Variants in CDH4 observed in about 807,000 individuals in gnomAD.
CDH4 encodes the protein cadherin-4.
CDH4 carries 33 observed loss-of-function variants against 86.0 expected under a neutral mutation model. The ratio of observed to expected loss-of-function variants is 0.38; its 90% CI spans 0.29 to 0.51. CDH4 has a LOEUF of 0.51. Ranked by LOEUF, CDH4 falls within the 20% of genes least tolerant of loss-of-function variation. The pLI, the probability that CDH4 is intolerant of heterozygous loss-of-function variation, is 0.86. For synonymous variants in CDH4, 555 were observed against 549.4 expected (o/e 1.01, Z -0.14); for missense variants, 1,114 against 1,307.4 (o/e 0.85, Z 2.28).
intron 2 of CDH4, among the ~76,000 whole-genome samples, chr20:61,618,450 G>C (rs1239863745): frequency 6.6e-6 from 1 of 152,144 alleles, no homozygotes; most frequent in Non-Finnish European, 1.5e-5. Context: ...AAGCAAGTGG[G>C]CCTCATGAGA....
At chr20:61,611,194 C>T (rs2086682762) in intron 2 of CDH4, among the ~76,000 whole-genome samples, 1 of 152,036 alleles carries the variant, frequency 6.6e-6, no homozygotes, top group African/African-American at 2.4e-5. Flanking sequence ...GCCCCAGCCC[C>T]AGCCCCAGCC....
chr20:61,924,422 T>C lies in CDH4; in HGVS notation c.1717T>C (p.Ser573Pro), dbSNP rs780474810. Residue 573 changes from serine (S) to proline (P), a missense_variant, in exon 11 of 16, where the codon TCC becomes CCC. Physicochemically the swap from Ser to Pro is moderately conservative, Grantham distance 74 (BLOSUM62 -1). This residue lies in a region of CDH4 where 705 missense variants were observed against 914.1 expected (regional missense o/e 0.77). Transcript: ENST00000614565. ...ITTAAVLDRE[S>P]LYTKNNVYEA... Reference sequence around the variant, plus strand: ...CACGGCGGCAGTGCTGGACCGTGAGTCCCTCTACACCAAAAACAACGTCTA... The same window carrying C: ...CACGGCGGCAGTGCTGGACCGTGAGCCCCTCTACACCAAAAACAACGTCTA... 4 of 1,613,208 alleles carry C rather than the reference T, an allele frequency of 2.5e-6. No individual in the cohort carries two copies. Among genetic ancestry groups the C allele is most frequent in the Admixed American group, 3.3e-5 (2 of 59,936 alleles).
chr20:61,927,240 G>T lies in CDH4; in HGVS notation c.1772-950G>T, dbSNP rs567009213. ...AGCAAAGCTACAGTCAGAACATGCCGCCACCACCGCCGCCTCCAAGCCTGG... is the reference window on the plus strand; with the variant it reads ...AGCAAAGCTACAGTCAGAACATGCCTCCACCACCGCCGCCTCCAAGCCTGG... On this transcript the variant is annotated intron_variant, in intron 11 of 15. Transcript: ENST00000614565. Among the ~76,000 whole-genome samples, 1,072 of 152,320 alleles carry T rather than the reference G, an allele frequency of 7.0e-3. 11 individuals carry two copies. The highest frequency in any genetic ancestry group is 0.036 in the South Asian group (175 of 4,820).
At chr20:61,652,136 T>A (rs941501298) in intron 2 of CDH4, among the ~76,000 whole-genome samples, 7 of 152,216 alleles carry the variant, frequency 4.6e-5, no homozygotes, top group African/African-American at 1.7e-4. Context: ...GCGCTTTTAA[T>A]GTCACCGTCT....
chr20:61,470,693 A>G (rs1478480675), intron 2 of CDH4, among the ~76,000 whole-genome samples: 1 of 152,026 alleles, frequency 6.6e-6, no homozygotes, highest in Non-Finnish European at 1.5e-5. Flanking sequence ...GGCTTTTACT[A>G]TATTGAGGTA....
intron 2 of CDH4, among the ~76,000 whole-genome samples, chr20:61,524,938 C>T (rs2085899591): frequency 6.6e-6 from 1 of 152,194 alleles, no homozygotes; most frequent in Non-Finnish European, 1.5e-5. Context: ...TCACCCTGTC[C>T]ACCTCCAACA....
At chr20:61,315,734 T>C (rs1453592645) in intron 2 of CDH4, among the ~76,000 whole-genome samples, 1 of 152,254 alleles carries the variant, frequency 6.6e-6, no homozygotes, top group Non-Finnish European at 1.5e-5. Flanking sequence ...GACATGGTCT[T>C]GCTCTGTCAC....
chr20:61,551,085 G>T (rs1369264959), intron 2 of CDH4, among the ~76,000 whole-genome samples: 1 of 152,208 alleles, frequency 6.6e-6, no homozygotes, highest in Non-Finnish European at 1.5e-5. Context: ...CAGGTAACGG[G>T]CATTCCCTTC....
At chr20:61,476,194 G>C (rs779352780) in intron 2 of CDH4, among the ~76,000 whole-genome samples, 2 of 152,186 alleles carry the variant, frequency 1.3e-5, no homozygotes, top group Non-Finnish European at 2.9e-5. Context: ...TTTTATTGGA[G>C]TTTCCTTGAG....
intron 2 of CDH4, among the ~76,000 whole-genome samples, chr20:61,308,268 G>T (rs938633611): frequency 6.6e-6 from 1 of 152,228 alleles, no homozygotes; most frequent in Non-Finnish European, 1.5e-5. Flanking sequence ...TTCTGCAGAT[G>T]AGTTCTTTAA....
At chr20:61,294,041 G>A (rs1378758164) in intron 2 of CDH4, among the ~76,000 whole-genome samples, 1 of 152,176 alleles carries the variant, frequency 6.6e-6, no homozygotes, top group African/African-American at 2.4e-5. Flanking sequence ...GGCCCCGGCA[G>A]GACAGGTGGT....
At chr20:61,593,153 A>C (rs996781889) in intron 2 of CDH4, among the ~76,000 whole-genome samples, 3 of 152,200 alleles carry the variant, frequency 2.0e-5, no homozygotes, top group Non-Finnish European at 4.4e-5. Flanking sequence ...CTTGTGTGTC[A>C]GTTTAAACCT....
intron 8 of CDH4, among the ~76,000 whole-genome samples, chr20:61,900,036 G>A (rs3787405): frequency 0.059 from 9,016 of 152,132 alleles, 873 homozygotes; most frequent in East Asian, 0.44. Context: ...GTCCCTCCTC[G>A]GAAGTGACCC....
chr20:61,404,552 C>A (rs1365619730), intron 2 of CDH4, among the ~76,000 whole-genome samples: 11 of 151,964 alleles, frequency 7.2e-5, no homozygotes, highest in Admixed American at 7.2e-4. Flanking sequence ...CCTGATTATT[C>A]CCGACGCCAC....
chr20:61,686,716 CGT>C (rs1005977036), intron 2 of CDH4, among the ~76,000 whole-genome samples: 10 of 149,708 alleles, frequency 6.7e-5, no homozygotes, highest in East Asian at 2.0e-4. Context: ...TGTGCATTCC[CGT>C]GTGTGTGCCT....
At chr20:61,850,883 G>A (rs1389054231) in intron 5 of CDH4, among the ~76,000 whole-genome samples, 1 of 152,266 alleles carries the variant, frequency 6.6e-6, no homozygotes, top group African/African-American at 2.4e-5. Context: ...GGACAAGGAG[G>A]ACACAGGCCA....
chr20:61,837,156 G>A (rs887609164), intron 4 of CDH4, among the ~76,000 whole-genome samples: 2 of 152,218 alleles, frequency 1.3e-5, no homozygotes, highest in Admixed American at 6.5e-5. Flanking sequence ...TTGCGCCACT[G>A]CACTCCAGCC....
chr20:61,604,035 C>T (rs906751317), intron 2 of CDH4, among the ~76,000 whole-genome samples: 2 of 152,316 alleles, frequency 1.3e-5, no homozygotes, highest in South Asian at 2.1e-4. Flanking sequence ...GGAACTACCG[C>T]AATCCCCGTG....
chr20:61,859,841 C>T (rs1983235323), intron 6 of CDH4, among the ~76,000 whole-genome samples: 2 of 152,272 alleles, frequency 1.3e-5, no homozygotes, highest in African/African-American at 4.8e-5. Context: ...GTGGTCATGC[C>T]CTGGCCTTCA....
Sources: allele counts gnomAD v4.1 joint callset (sites outside exome capture counted in the v4.1 genomes callset), GRCh38; gene constraint gnomAD v4.1.1; regional missense constraint gnomAD v4.1.1; transcripts MANE v1.5; gene names NCBI Gene and HGNC (gene_info 2026-07-23, HGNC 2026-07-21).